The following SAMMSON variants were observed in gnomAD, a reference collection of about 807,000 sequenced individuals.
SAMMSON encodes the protein survival associated mitochondrial melanoma specific oncogenic non-coding RNA.
At chr3:70,075,797 C>T (rs1157770883) in intron 4 of SAMMSON, among the ~76,000 whole-genome samples, 3 of 151,578 alleles carry the variant, frequency 2.0e-5, no homozygotes, top group Non-Finnish European at 4.4e-5. Context: ...CTGGATGTAG[C>T]TATAAAATCA....
intron 5 of SAMMSON, among the ~76,000 whole-genome samples, chr3:70,249,358 G>T (rs1701738239): frequency 6.6e-6 from 1 of 152,084 alleles, no homozygotes; most frequent in African/African-American, 2.4e-5. Flanking sequence ...GTCTAAGGGG[G>T]GGATCTATCA....
chr3:70,306,952 A>G (rs540105711), intron 7 of SAMMSON, among the ~76,000 whole-genome samples: 23 of 152,264 alleles, frequency 1.5e-4, no homozygotes, highest in Admixed American at 5.9e-4. Context: ...TGCTCATACA[A>G]ATAAATATGT....
chr3:70,093,731 C>T (rs1325811971), intron 4 of SAMMSON, among the ~76,000 whole-genome samples: 1 of 152,004 alleles, frequency 6.6e-6, no homozygotes, highest in African/African-American at 2.4e-5. Context: ...GTGGAGTGGG[C>T]AGATCTCTTT....
chr3:70,345,355 T>G lies in SAMMSON; in HGVS notation n.740-8820T>G, dbSNP rs558599416. ...TCCTTTTGCCCTTAATCTTACAGATTCCAGGTATTTTCAGTGTTACTTAGA... is the reference window on the plus strand; with the variant it reads ...TCCTTTTGCCCTTAATCTTACAGATGCCAGGTATTTTCAGTGTTACTTAGA... On this transcript the variant is annotated intron_variant and non_coding_transcript_variant, in intron 7 of 9. Coordinates refer to ENST00000642114, the Ensembl canonical transcript of SAMMSON. Among the ~76,000 whole-genome samples, 219 of 152,342 alleles carry G rather than the reference T, an allele frequency of 1.4e-3. 1 individual carries two copies. The highest frequency in any genetic ancestry group is 5.1e-3 in the African/African-American group (213 of 41,586).
chr3:70,100,829 C>A (rs780291341), intron 4 of SAMMSON, among the ~76,000 whole-genome samples: 1 of 152,156 alleles, frequency 6.6e-6, no homozygotes, highest in Non-Finnish European at 1.5e-5. Context: ...TTTCCTGTCT[C>A]CATTACACAT....
intron 4 of SAMMSON, among the ~76,000 whole-genome samples, chr3:70,216,786 G>T (rs1038847216): frequency 6.6e-6 from 1 of 152,036 alleles, no homozygotes; most frequent in Non-Finnish European, 1.5e-5. Context: ...GGCAGATTTT[G>T]CCCCCCAAGG....
chr3:70,178,108 A>T lies in SAMMSON; in HGVS notation n.508-70999A>T, dbSNP rs184407762. 2.0e-5 allele frequency among the ~76,000 whole-genome samples: 3 copies of T among 152,112 alleles called. No individual in the cohort carries two copies. In the East Asian group the frequency reaches 5.8e-4, roughly 29 times the overall value. ...GCCATCCTAGGAGCAGTTGCTGGGGATGTATATCACCCCCCTTCCCCCAGG... is the reference window on the plus strand; with the variant it reads ...GCCATCCTAGGAGCAGTTGCTGGGGTTGTATATCACCCCCCTTCCCCCAGG... On this transcript the variant is annotated intron_variant and non_coding_transcript_variant, in intron 4 of 9. Transcript: ENST00000642114.
At chr3:70,200,541 T>C (rs114837689) in intron 4 of SAMMSON, among the ~76,000 whole-genome samples, 4,189 of 152,270 alleles carry the variant, frequency 0.028, 109 homozygotes, top group Non-Finnish European at 0.044. Context: ...ATTCAAACAT[T>C]TAAGTTTTTA....
intron 7 of SAMMSON, among the ~76,000 whole-genome samples, chr3:70,307,420 G>A (rs894589016): frequency 1.3e-5 from 2 of 152,078 alleles, no homozygotes; most frequent in Non-Finnish European, 2.9e-5. Flanking sequence ...ATCAAATGGT[G>A]TAAGCTACAG....
chr3:70,364,067 A>G (rs1702900002), intron 9 of SAMMSON, among the ~76,000 whole-genome samples: 1 of 151,732 alleles, frequency 6.6e-6, no homozygotes, highest in Admixed American at 6.6e-5. Flanking sequence ...CTAATACTTA[A>G]TATTTCTATC....
chr3:70,078,164 T>C lies in SAMMSON; in HGVS notation n.507+6599T>C, dbSNP rs563133087. Among the ~76,000 whole-genome samples, 4 of 152,258 alleles carry C rather than the reference T, an allele frequency of 2.6e-5. No homozygotes were observed. In the East Asian group the frequency reaches 7.8e-4, roughly 30 times the overall value. ...TATTAGAAGGAACTTCTGGTTGGAA[T>C]TGAACTTGACACAGGAGAATCTCAT... is the stretch of plus-strand genomic sequence containing the variant. On this transcript the variant is annotated intron_variant and non_coding_transcript_variant, in intron 4 of 9. Coordinates refer to ENST00000642114, the Ensembl canonical transcript of SAMMSON.
At chr3:70,384,756 C>G (rs545845367) in intron 9 of SAMMSON, among the ~76,000 whole-genome samples, 11 of 152,138 alleles carry the variant, frequency 7.2e-5, no homozygotes, top group African/African-American at 2.6e-4. Context: ...TCACTGCCAT[C>G]TAAAAGTGGT....
intron 4 of SAMMSON, among the ~76,000 whole-genome samples, chr3:70,102,080 A>C (rs770156226): frequency 3.9e-5 from 6 of 152,166 alleles, no homozygotes; most frequent in Non-Finnish European, 8.8e-5. Context: ...ACATATAGCT[A>C]AAGTCCAGTG....
chr3:70,005,597 C>T (rs1191778473), intron 1 of SAMMSON, among the ~76,000 whole-genome samples: 1 of 152,096 alleles, frequency 6.6e-6, no homozygotes, highest in East Asian at 1.9e-4. Flanking sequence ...ATTCCACCAG[C>T]CAAAGCAGGT....
intron 3 of SAMMSON, among the ~76,000 whole-genome samples, chr3:70,045,146 T>TATATCGTTAATTATA (rs1413752970): frequency 7.6e-6 from 1 of 131,624 alleles, no homozygotes; most frequent in Admixed American, 8.5e-5. Context: ...ATAATTTATA[T>TATATCGTTAATTATA]ATATTAATTA....
chr3:70,427,863 C>A (rs184920935), intron 2 of SAMMSON, among the ~76,000 whole-genome samples: 34 of 151,880 alleles, frequency 2.2e-4, no homozygotes, highest in Admixed American at 2.0e-3. Flanking sequence ...AAATCTTTAT[C>A]AACTGACATG....
rs114052804 is a variant in SAMMSON at position 70,040,753 on chromosome 3, A to C, written n.417+27081A>C. On this transcript the variant is annotated intron_variant and non_coding_transcript_variant, in intron 3 of 9. Transcript: ENST00000642114. The stretch of plus-strand genomic sequence containing the variant: ...ATGCTCTTCCCACCGCCTGCCAATC[A>C]TGGTGGCTAAGGGAGGTGAGTAAAT... Among the ~76,000 whole-genome samples the C allele has an allele frequency of 3.1e-3, 467 of 152,252 alleles. 2 individuals carry two copies. Among genetic ancestry groups the C allele is most frequent in the Non-Finnish European group, 5.4e-3 (368 of 68,012 alleles).
intron 9 of SAMMSON, among the ~76,000 whole-genome samples, chr3:70,364,997 G>A (rs1702910094): frequency 1.3e-5 from 2 of 150,468 alleles, no homozygotes; most frequent in Non-Finnish European, 3.0e-5. Context: ...TTTTTTTCTG[G>A]GATATCTTGA....
intron 6 of SAMMSON, chr3:70,249,681 T>G (rs770821324): frequency 1.3e-5 from 2 of 152,128 alleles, no homozygotes; most frequent in Non-Finnish European, 2.9e-5. Context: ...GTGAGAGTCA[T>G]CCTTCATTTA....
Sources: gnomAD v4.1 joint callset for allele counts (sites outside exome capture counted in the v4.1 genomes callset) on GRCh38, gnomAD v4.1.1 for gene constraint, MANE v1.5 for transcripts, NCBI Gene and HGNC (gene_info 2026-07-23, HGNC 2026-07-21) for gene names.